KCNU1: variants seen among roughly 807,000 people sequenced by gnomAD.
KCNU1 encodes potassium channel subfamily U member 1.
KCNU1 carries 93 observed loss-of-function variants against 126.8 expected under a neutral mutation model. The observed-to-expected ratio is 0.73, with a 90% confidence interval of 0.62 to 0.87. KCNU1 has a LOEUF of 0.87. Among genes scored for constraint, KCNU1 ranks in the 40% least tolerant of loss-of-function variants. The pLI is 0.00. For missense variants in KCNU1, 1,330 were observed against 1,367.1 expected (o/e 0.97, Z 0.43); for synonymous variants, 523 against 494.2 (o/e 1.06, Z -0.77).
chr8:36,872,159 T>C (rs1806125297), intron 19 of KCNU1, among the ~76,000 whole-genome samples: 1 of 152,210 alleles, frequency 6.6e-6, no homozygotes, highest in Admixed American at 6.5e-5. Flanking sequence ...CATCAACATC[T>C]ATTATTTAAA....
rs1034428601 is a variant in KCNU1 at position 36,837,084 on chromosome 8, T to A, written c.1518+139T>A. ...GACTTCTGCTTGAGCTGGGAAGGGA[T>A]TAGAAGATCTGAATTTAAAAGTCCC... On this transcript the variant is annotated intron_variant, in intron 14 of 26. Transcript: ENST00000399881. 1.7e-5 allele frequency: 13 copies of A among 760,768 alleles called. No individual in the cohort carries two copies. The African/African-American group carries it at 2.3e-4, about 13-fold the overall frequency. The allele number at this position is 760,768 out of a possible 1,614,324, so 47.1% of individuals were successfully genotyped here. A position where few individuals can be genotyped will look rare whatever the true frequency, so the allele number is the denominator to read the frequency against.
At chr8:36,869,642 T>C (rs1057127644) in intron 19 of KCNU1, among the ~76,000 whole-genome samples, 20 of 152,176 alleles carry the variant, frequency 1.3e-4, no homozygotes, top group African/African-American at 4.8e-4. Flanking sequence ...CTTCTTAGCT[T>C]ATAAGCTTCA....
intron 18 of KCNU1, among the ~76,000 whole-genome samples, chr8:36,856,721 G>C (rs887508225): frequency 2.0e-5 from 3 of 152,086 alleles, no homozygotes; most frequent in Non-Finnish European, 4.4e-5. Flanking sequence ...GTTATCTATT[G>C]CTCCACAGTA....
intron 10 of KCNU1, among the ~76,000 whole-genome samples, chr8:36,825,547 A>G (rs1804287214): frequency 6.6e-6 from 1 of 152,148 alleles, no homozygotes. Context: ...AAAAGTAGAA[A>G]AATTTTGGTA....
At chr8:36,794,613 T>C (rs1563258905) in intron 2 of KCNU1, among the ~76,000 whole-genome samples, 1 of 152,086 alleles carries the variant, frequency 6.6e-6, no homozygotes, top group Non-Finnish European at 1.5e-5. Flanking sequence ...CCCAGACTGC[T>C]TCCTCTTACC....
At chr8:36,866,549 A>C (rs1167669020) in intron 19 of KCNU1, among the ~76,000 whole-genome samples, 1 of 152,136 alleles carries the variant, frequency 6.6e-6, no homozygotes, top group African/African-American at 2.4e-5. Context: ...CAGGGACCCA[A>C]ATTTTGCCTG....
intron 5 of KCNU1, among the ~76,000 whole-genome samples, chr8:36,806,900 T>C (rs1803521779): frequency 6.6e-6 from 1 of 152,238 alleles, no homozygotes; most frequent in South Asian, 2.1e-4. Context: ...TCCTTGCTAA[T>C]GTTATTATCA....
chr8:36,847,955 A>G (rs1286468513), intron 18 of KCNU1, among the ~76,000 whole-genome samples: 1 of 152,202 alleles, frequency 6.6e-6, no homozygotes. Context: ...TGTTCTCCAC[A>G]TCCTTGTCAG....
At chr8:36,903,177 C>T (rs1258971934) in intron 19 of KCNU1, among the ~76,000 whole-genome samples, 3 of 151,844 alleles carry the variant, frequency 2.0e-5, no homozygotes, top group East Asian at 1.9e-4. Context: ...TTTGACACTT[C>T]AATCTAAGTT....
intron 10 of KCNU1, among the ~76,000 whole-genome samples, chr8:36,828,444 A>G (rs956946231): frequency 6.6e-6 from 1 of 152,080 alleles, no homozygotes; most frequent in Non-Finnish European, 1.5e-5. Context: ...CCTATGTTTT[A>G]TTACCTCTAT....
chr8:36,818,814 A>G (rs1804016882), intron 10 of KCNU1, among the ~76,000 whole-genome samples: 1 of 152,180 alleles, frequency 6.6e-6, no homozygotes, highest in South Asian at 2.1e-4. Flanking sequence ...GTATGGAATA[A>G]CCGATAGCAG....
At position 36,823,836 on chromosome 8, in the gene KCNU1, CTT is replaced by C. The variant is rs11364462; in HGVS notation, c.1106+6093_1106+6094del. Among the ~76,000 whole-genome samples the C allele has an allele frequency of 4.2e-3, 547 of 129,364 alleles. 2 individuals are homozygous for C. The highest frequency in any genetic ancestry group is 0.014 in the African/African-American group (472 of 34,090). 84.9% of individuals were successfully genotyped at this position (129,364 alleles called of 152,430 possible). On this transcript the variant is annotated intron_variant, in intron 10 of 26. Transcript: ENST00000399881. The stretch of plus-strand genomic sequence containing the variant: ...AAATAATTAATCTCCTTGTTCAAAC[CTT>C]TTTTTTTTTTTTTTTTGAGAAGGAG...
At chr8:36,788,060 A>G (rs924185552) in intron 2 of KCNU1, among the ~76,000 whole-genome samples, 1 of 152,062 alleles carries the variant, frequency 6.6e-6, no homozygotes, top group Non-Finnish European at 1.5e-5. Context: ...ATGTATAGCT[A>G]GTTTCCTCTC....
chr8:36,879,543 G>C (rs1806399621), intron 19 of KCNU1, among the ~76,000 whole-genome samples: 1 of 152,080 alleles, frequency 6.6e-6, no homozygotes, highest in Non-Finnish European at 1.5e-5. Flanking sequence ...TAATGAGAAA[G>C]CTGTGTTGAG....
intron 16 of KCNU1, among the ~76,000 whole-genome samples, chr8:36,841,447 T>G (rs1804953881): frequency 6.6e-6 from 1 of 152,140 alleles, no homozygotes; most frequent in Non-Finnish European, 1.5e-5. Context: ...ATGCCAGCAC[T>G]TTGAGAGTTT....
chr8:36,821,466 G>A (rs140951955), intron 10 of KCNU1, among the ~76,000 whole-genome samples: 3 of 152,272 alleles, frequency 2.0e-5, no homozygotes, highest in Non-Finnish European at 4.4e-5. Context: ...TCAGTTCACA[G>A]GTGTTCACAT....
intron 24 of KCNU1, among the ~76,000 whole-genome samples, chr8:36,924,934 AG>A (rs1808484378): frequency 1.3e-5 from 2 of 152,310 alleles, no homozygotes; most frequent in Non-Finnish European, 2.9e-5. Context: ...TCAGAAGGGC[AG>A]GATGGACAGG....
At chr8:36,826,195 T>A (rs1804314386) in intron 10 of KCNU1, among the ~76,000 whole-genome samples, 2 of 151,388 alleles carry the variant, frequency 1.3e-5, no homozygotes, top group African/African-American at 4.8e-5. Flanking sequence ...TTTTTTTATT[T>A]TTTATTATTT....
At chr8:36,832,735 C>T (rs1375403867) in intron 10 of KCNU1, among the ~76,000 whole-genome samples, 2 of 151,756 alleles carry the variant, frequency 1.3e-5, no homozygotes, top group South Asian at 4.2e-4. Context: ...TTCATTGTTT[C>T]TTATTCTTGT....
Sources: gnomAD v4.1 joint callset for allele counts (sites outside exome capture counted in the v4.1 genomes callset) on GRCh38, gnomAD v4.1.1 for gene constraint, MANE v1.5 for transcripts, NCBI Gene and HGNC (gene_info 2026-07-23, HGNC 2026-07-21) for gene names.